Variants in ACSL1 observed in about 807,000 individuals in gnomAD.
The protein encoded by ACSL1 is long-chain-fatty-acid--CoA ligase 1.
A neutral mutation model predicts 98.4 loss-of-function variants in ACSL1; 41 were observed. The ratio of observed to expected loss-of-function variants is 0.42; its 90% CI spans 0.32 to 0.54. The LOEUF (loss-of-function observed/expected upper bound fraction) is 0.54. ACSL1 is among the 20% of genes least tolerant of loss of function. ACSL1 has a pLI of 0.13. For synonymous variants in ACSL1, 316 were observed against 322.7 expected (o/e 0.98, Z 0.22); for missense variants, 734 against 883.1 (o/e 0.83, Z 2.14).
At chr4:184,762,109 T>C (rs950234601) in intron 17 of ACSL1, among the ~76,000 whole-genome samples, 3 of 148,980 alleles carry the variant, frequency 2.0e-5, no homozygotes, top group Admixed American at 6.7e-5. Flanking sequence ...CCAGCCTGGG[T>C]GACAAGAACA....
Position 184,803,571 on chromosome 4 carries a change from T to C in ACSL1, c.-32-25A>G. ...TCTGTTGGGAGAGAAAAATGTCACG[T>C]TCGTTCCAGGGAAGCAGGACCCCTC... is the stretch of plus-strand genomic sequence containing the variant. On this transcript the variant is annotated intron_variant, in intron 1 of 20. Transcript: ENST00000281455. The surrounding 1 kb of genome is among the most constrained non-coding windows in gnomAD (Gnocchi z 4.8). 2 of 1,397,076 alleles carry C rather than the reference T, an allele frequency of 1.4e-6. No homozygotes were observed. The highest frequency in any genetic ancestry group is 1.9e-6 in the Non-Finnish European group (2 of 1,065,208). The allele number at this position is 1,397,076 out of a possible 1,614,324, so 86.5% of individuals were successfully genotyped here. A position where few individuals can be genotyped will look rare whatever the true frequency, so the allele number is the denominator to read the frequency against.
In ACSL1 at chr4:184,766,090, C is replaced by T. The variant is rs1763561333; in HGVS notation, c.1264-104G>A. 2.0e-6 allele frequency: 2 copies of T among 1,020,342 alleles called. No homozygotes were observed. Among genetic ancestry groups the T allele is most frequent in the South Asian group, 2.9e-5 (2 of 68,126 alleles). 63.2% of individuals were successfully genotyped at this position (1,020,342 alleles called of 1,614,324 possible). Reference sequence around the variant, plus strand: ...TGGGACCCCGTTCCCTAACCCATAGCTGCAGACCACACGGAGGCCACACGG... The same window carrying T: ...TGGGACCCCGTTCCCTAACCCATAGTTGCAGACCACACGGAGGCCACACGG... On this transcript the variant is annotated intron_variant, in intron 13 of 20. Transcript: ENST00000281455. This position sits in a 1 kb window ranked among gnomAD's most constrained non-coding sequence, Gnocchi z 4.8.
intron 5 of ACSL1, among the ~76,000 whole-genome samples, chr4:184,777,578 A>G (rs537539067): frequency 1.1e-4 from 16 of 152,216 alleles, no homozygotes; most frequent in African/African-American, 3.6e-4. Context: ...AAAAGAAAAA[A>G]GGAAGGAAAG....
rs755277951 is a variant in ACSL1 at position 184,773,253 on chromosome 4, T to C, written c.842-99A>G. On this transcript the variant is annotated intron_variant, in intron 9 of 20. Coordinates refer to ENST00000281455, the MANE Select transcript of ACSL1 (RefSeq NM_001995.5). The surrounding 1 kb of genome is among the most constrained non-coding windows in gnomAD (Gnocchi z 4.3). The stretch of plus-strand genomic sequence containing the variant: ...TTAGGGCTTCAGACACCTCTACTGT[T>C]AGATATATCGTGAAAACCAAATGTT... The C allele has an allele frequency of 4.2e-5, 45 of 1,070,954 alleles. No individual in the cohort carries two copies. The highest frequency in any genetic ancestry group is 2.0e-4 in the Middle Eastern group (1 of 4,892). The allele number at this position is 1,070,954 out of a possible 1,614,324, so 66.3% of individuals were successfully genotyped here.
At chr4:184,810,341 G>A (rs746872712) in intron 1 of ACSL1, among the ~76,000 whole-genome samples, 1 of 152,224 alleles carries the variant, frequency 6.6e-6, no homozygotes, top group African/African-American at 2.4e-5. Context: ...TACAGGGGCT[G>A]AGAGCACCTC....
rs764040458 is a variant in ACSL1, at chr4:184,776,601, T to C, written c.639A>G (p.Val213=). Residue 213 remains valine (V), a synonymous_variant, in exon 7 of 21, where the codon GTA becomes GTG. Coordinates refer to ENST00000281455, the MANE Select transcript of ACSL1 (RefSeq NM_001995.5). ...TAAGGCCTGGTATTAACTTATTTTC[T>C]ACACCCTCTAATAAGAGTTTGGCCT... ...PEKAKLLLEG[V]ENKLIPGLKI... 6.2e-7 allele frequency: 1 copy of C among 1,614,074 alleles called. No homozygotes were observed. The highest frequency in any genetic ancestry group is 8.5e-7 in the Non-Finnish European group (1 of 1,180,030).
rs912579990 is a variant in ACSL1, at chr4:184,766,799, T to C, written c.1129-43A>G. On this transcript the variant is annotated intron_variant, in intron 12 of 20. Coordinates refer to ENST00000281455, the MANE Select transcript of ACSL1 (RefSeq NM_001995.5). The surrounding 1 kb of genome is among the most constrained non-coding windows in gnomAD (Gnocchi z 4.8). The stretch of plus-strand genomic sequence containing the variant: ...GAGAAAGTTTTCACACCTACTAGGA[T>C]GGCCAGAGTCAAAGAGTGTGGAGAA... 1.9e-6 allele frequency: 3 copies of C among 1,587,452 alleles called. No homozygotes were observed. Among genetic ancestry groups the C allele is most frequent in the African/African-American group, 2.7e-5 (2 of 74,318 alleles).
chr4:184,765,815 T>A, intron 14 of ACSL1, 76 bp downstream of exon 14: 1 of 1,253,734 alleles, frequency 8.0e-7, no homozygotes, highest in Non-Finnish European at 1.1e-6. Context: ...ACACACACAG[T>A]ACAGATGACT....
At chr4:184,815,489 T>C (rs1026649421) in intron 1 of ACSL1, among the ~76,000 whole-genome samples, 3 of 151,510 alleles carry the variant, frequency 2.0e-5, no homozygotes, top group Admixed American at 6.6e-5. Context: ...GACCCAGGCC[T>C]GGGGGGGGAA....
At chr4:184,775,516 CCAATTCAACA>C (rs1327463329) in intron 7 of ACSL1, among the ~76,000 whole-genome samples, 3 of 151,946 alleles carry the variant, frequency 2.0e-5, no homozygotes, top group African/African-American at 7.3e-5. Context: ...CTATAAAACC[CCAATTCAACA>C]AGGAAGCACC....
At chr4:184,777,764 C>T (rs934979620) in intron 5 of ACSL1, among the ~76,000 whole-genome samples, 6 of 151,336 alleles carry the variant, frequency 4.0e-5, no homozygotes, top group Middle Eastern at 3.4e-3. Flanking sequence ...CTGAGATTGC[C>T]TTTGGAAAGA....
chr4:184,815,783 T>G (rs1335759342), intron 1 of ACSL1, among the ~76,000 whole-genome samples: 2 of 151,922 alleles, frequency 1.3e-5, no homozygotes, highest in African/African-American at 2.4e-5. Context: ...CACTTCTGAG[T>G]TGAGTTTTTA....
Position 184,756,753 on chromosome 4 carries a change from T to A in ACSL1, c.*372A>T, listed in dbSNP as rs1201055073. The A allele has an allele frequency of 6.0e-6, 1 of 166,878 alleles. No homozygotes were observed. The highest frequency in any genetic ancestry group is 2.4e-5 in the African/African-American group (1 of 41,852). The allele number at this position is 166,878 out of a possible 1,614,324, so 10.3% of individuals were successfully genotyped here. ...AGACAGCTGCAGAATTTGCAGCAAG[T>A]AGCAGACATCTCAGAGATAGCAAAG... On this transcript the variant is annotated 3_prime_UTR_variant, in exon 21 of 21. Transcript: ENST00000281455.
chr4:184,760,779 A>C (rs561787622), intron 17 of ACSL1, among the ~76,000 whole-genome samples: 1 of 152,340 alleles, frequency 6.6e-6, no homozygotes, highest in East Asian at 1.9e-4. Flanking sequence ...CTGACTGGTC[A>C]ACACTAGCAA....
Position 184,776,626 on chromosome 4 carries a change from T to A in ACSL1, c.614A>T (p.Lys205Met). 2 of 1,613,126 alleles carry A rather than the reference T, an allele frequency of 1.2e-6. No individual in the cohort carries two copies. The highest frequency in any genetic ancestry group is 8.5e-7 in the Non-Finnish European group (1 of 1,179,970). Residue 205 changes from lysine to methionine, a missense_variant, in exon 7 of 21, where the codon AAG becomes ATG. By Grantham distance (95) the Lys-to-Met change is moderately conservative (BLOSUM62 -1). Transcript: ENST00000281455. ...TACACCCTCTAATAAGAGTTTGGCC[T>A]TCTCTGGCTTGTCAACAAAAACCAG... ...LSLVFVDKPE[K>M]AKLLLEGVEN...
At chr4:184,792,652 T>G (rs569093666) in intron 2 of ACSL1, among the ~76,000 whole-genome samples, 2 of 152,316 alleles carry the variant, frequency 1.3e-5, no homozygotes, top group Admixed American at 1.3e-4. Flanking sequence ...TTGCCCAGGC[T>G]GGTCTCAAAC....
chr4:184,757,583 T>A lies in ACSL1; in HGVS notation c.1956+52A>T. ...TATATAATCTACCTGTAAAAAAATC[T>A]TAATGGAAAATTTGTTTTACAGGAA... On this transcript the variant is annotated intron_variant, in intron 20 of 20. Transcript: ENST00000281455. This position sits in a 1 kb window ranked among gnomAD's most constrained non-coding sequence, Gnocchi z 4.5. 6.5e-7 allele frequency: 1 copy of A among 1,544,300 alleles called. No individual in the cohort carries two copies. Among genetic ancestry groups the A allele is most frequent in the African/African-American group, 1.4e-5 (1 of 72,506 alleles).
rs1773405641 is a variant in ACSL1, at chr4:184,825,510, C to G, written c.-33+406G>C. 6.6e-6 allele frequency among the ~76,000 whole-genome samples: 1 copy of G among 151,798 alleles called. No homozygotes were observed. The highest frequency in any genetic ancestry group is 6.6e-5 in the Admixed American group (1 of 15,246). On this transcript the variant is annotated intron_variant, in intron 1 of 20. Transcript: ENST00000281455. The surrounding 1 kb of genome is among the most constrained non-coding windows in gnomAD (Gnocchi z 4.7). The stretch of plus-strand genomic sequence containing the variant: ...GCCCGGCCTCTGGGCAGGCGGGGGC[C>G]GCGGACGAGGGCAACGTCAGCGGCC...
In ACSL1 at chr4:184,756,371, G is replaced by A. The variant is rs1156514354; in HGVS notation, c.*754C>T. Reference sequence around the variant, plus strand: ...TAAATAACCCCTGAAAAAGGATGGAGTCGGGGAATCAGGCCTGGAGAACCG... The same window carrying A: ...TAAATAACCCCTGAAAAAGGATGGAATCGGGGAATCAGGCCTGGAGAACCG... On this transcript the variant is annotated 3_prime_UTR_variant, in exon 21 of 21. Transcript: ENST00000281455. 1 of 152,638 alleles carries A rather than the reference G, an allele frequency of 6.6e-6. No homozygotes were observed. The highest frequency in any genetic ancestry group is 2.4e-5 in the African/African-American group (1 of 41,446). The allele number at this position is 152,638 out of a possible 1,614,324, so 9.5% of individuals were successfully genotyped here. A position where few individuals can be genotyped will look rare whatever the true frequency, so the allele number is the denominator to read the frequency against.
Sources: gnomAD v4.1 joint callset for allele counts (sites outside exome capture counted in the v4.1 genomes callset) on GRCh38, gnomAD v4.1.1 for gene constraint, Gnocchi (gnomAD v3.1) non-coding constraint, MANE v1.5 for transcripts, NCBI Gene and HGNC (gene_info 2026-07-23, HGNC 2026-07-21) for gene names.